Variants in ACSS2 observed in about 807,000 individuals in gnomAD.
ACSS2 encodes the protein acyl-CoA synthetase short chain family member 2.
A neutral mutation model predicts 90.6 loss-of-function variants in ACSS2; 58 were observed. The ratio of observed to expected loss-of-function variants is 0.64; its 90% CI spans 0.52 to 0.80. ACSS2 has a LOEUF of 0.80. ACSS2 is among the 30% of genes least tolerant of loss of function. The pLI, the probability that ACSS2 is intolerant of heterozygous loss-of-function variation, is 0.00. For missense variants in ACSS2, 759 were observed against 912.0 expected, an observed-to-expected ratio of 0.83 and a Z score of 2.16; for synonymous variants, 300 against 330.9, an observed-to-expected ratio of 0.91 and a Z score of 1.01.
chr20:34,920,479 C>T (rs927710899), intron 8 of ACSS2, 60 bp from the exon 9 acceptor site: 93 of 1,541,112 alleles, frequency 6.0e-5, no homozygotes, highest in Admixed American at 9.4e-5. Context: ...GCCCAGCCTC[C>T]ATTTGGTGGT....
Position 34,898,144 on chromosome 20 carries a change from G to C in ACSS2, c.375-14952G>C, listed in dbSNP as rs1009227367. Among the ~76,000 whole-genome samples the C allele has an allele frequency of 5.7e-4, 87 of 152,130 alleles. 1 individual carries two copies. Among genetic ancestry groups the C allele is most frequent in the Non-Finnish European group, 1.1e-3 (74 of 68,024 alleles). Reference sequence around the variant, plus strand: ...GTGTTACAGCTCATAAAAGCAGTGTGGACCCAAAGAGTGAGCAGCAGCAAG... The same window carrying C: ...GTGTTACAGCTCATAAAAGCAGTGTCGACCCAAAGAGTGAGCAGCAGCAAG... On this transcript the variant is annotated intron_variant, in intron 2 of 17. Transcript: ENST00000360596.
Position 34,921,354 on chromosome 20 carries a change from G to C in ACSS2, c.1302G>C (p.Val434=), listed in dbSNP as rs2147098763. The C allele has an allele frequency of 6.2e-7, 1 of 1,614,216 alleles. No homozygotes were observed. Among genetic ancestry groups the C allele is most frequent in the East Asian group, 2.2e-5 (1 of 44,886 alleles). Residue 434 remains valine (V), a synonymous_variant, in exon 11 of 18, where the codon GTG becomes GTC. Coordinates refer to ENST00000360596, the MANE Select transcript of ACSS2 (RefSeq NM_018677.4). ...GGCATAGCCGGGCATCCTTGCAGGT[G>C]TTAGGCACAGTGGGTGAACCCATCA... ...VTKHSRASLQ[V]LGTVGEPINP...
chr20:34,882,338 T>C (rs904872238), intron 1 of ACSS2, among the ~76,000 whole-genome samples: 1 of 152,156 alleles, frequency 6.6e-6, no homozygotes, highest in Non-Finnish European at 1.5e-5. Flanking sequence ...GAGTGTTGGC[T>C]GCTGGCCGGG....
chr20:34,901,006 C>T lies in ACSS2; in HGVS notation c.375-12090C>T, dbSNP rs192914977. 4.1e-3 allele frequency among the ~76,000 whole-genome samples: 621 copies of T among 152,274 alleles called. 2 individuals are homozygous for T. The highest frequency in any genetic ancestry group is 0.014 in the African/African-American group (589 of 41,556). ...CATGGAAGCCACTAGCTACATGTAACTATTGATATTTATAGTAATTAAAAT... is the reference window on the plus strand; with the variant it reads ...CATGGAAGCCACTAGCTACATGTAATTATTGATATTTATAGTAATTAAAAT... On this transcript the variant is annotated intron_variant, in intron 2 of 17. Coordinates refer to ENST00000360596, the MANE Select transcript of ACSS2 (RefSeq NM_018677.4).
chr20:34,879,062 G>A (rs2080000224), intron 1 of ACSS2, among the ~76,000 whole-genome samples: 1 of 150,884 alleles, frequency 6.6e-6, no homozygotes, highest in Admixed American at 6.6e-5. Context: ...CCGCTACCAC[G>A]CCCGGCTAAT....
Position 34,921,483 on chromosome 20 carries a change from G to T in ACSS2, c.1410+21G>T, listed in dbSNP as rs146532306. On this transcript the variant is annotated intron_variant, in intron 11 of 17. Coordinates refer to ENST00000360596, the MANE Select transcript of ACSS2 (RefSeq NM_018677.4). ...AGACAGTGAGTGAAGGGTACAGAAG[G>T]CTGGGGCCCAGGGACAATGTGGGAA... 3.0e-4 allele frequency: 484 copies of T among 1,614,212 alleles called. 4 individuals carry two copies. The African/African-American group carries it at 5.2e-3, about 17-fold the overall frequency.
intron 2 of ACSS2, among the ~76,000 whole-genome samples, chr20:34,898,225 C>T (rs952364504): frequency 4.6e-5 from 7 of 152,224 alleles, no homozygotes; most frequent in South Asian, 2.1e-4. Context: ...GGGACCTGAG[C>T]GGGTTACCAC....
chr20:34,907,281 CTA>C (rs1213995308), intron 2 of ACSS2, among the ~76,000 whole-genome samples: 1 of 151,996 alleles, frequency 6.6e-6, no homozygotes, highest in Non-Finnish European at 1.5e-5. Flanking sequence ...CCATGCCCGG[CTA>C]ATTTTTGTCT....
chr20:34,900,281 A>G (rs2080621000), intron 2 of ACSS2, among the ~76,000 whole-genome samples: 1 of 146,064 alleles, frequency 6.8e-6, no homozygotes, highest in South Asian at 2.1e-4. Context: ...AGAGATTCTC[A>G]TGTGCAGCCT....
At chr20:34,917,092 C>G (rs2081091245) in intron 7 of ACSS2, among the ~76,000 whole-genome samples, 1 of 152,194 alleles carries the variant, frequency 6.6e-6, no homozygotes, top group Admixed American at 6.5e-5. Flanking sequence ...CACCCACCCA[C>G]AAAAGAAATA....
At chr20:34,890,418 A>C (rs2295097) in intron 2 of ACSS2, among the ~76,000 whole-genome samples, 9,018 of 152,210 alleles carry the variant, frequency 0.059, 315 homozygotes, top group East Asian at 0.079. Context: ...TGGGATAGTC[A>C]TTCAGGGAGA....
intron 2 of ACSS2, among the ~76,000 whole-genome samples, chr20:34,901,480 CT>C (rs1394510394): frequency 6.6e-6 from 1 of 152,182 alleles, no homozygotes; most frequent in East Asian, 1.9e-4. Context: ...TTGATACTTA[CT>C]GCAGCTAGGG....
At chr20:34,900,685 G>A (rs574968981) in intron 2 of ACSS2, among the ~76,000 whole-genome samples, 41 of 152,320 alleles carry the variant, frequency 2.7e-4, no homozygotes, top group Non-Finnish European at 5.6e-4. Flanking sequence ...GAGTGAGGCT[G>A]CATTAGGGTC....
chr20:34,885,426 AG>A (rs1013204460), intron 2 of ACSS2, among the ~76,000 whole-genome samples: 2 of 152,280 alleles, frequency 1.3e-5, no homozygotes, highest in Middle Eastern at 3.4e-3. Flanking sequence ...TTACCTGAAC[AG>A]GCTCTGGAGA....
intron 2 of ACSS2, among the ~76,000 whole-genome samples, chr20:34,900,234 A>C (rs1476951116): frequency 2.1e-5 from 3 of 143,584 alleles, no homozygotes; most frequent in Non-Finnish European, 4.5e-5. Flanking sequence ...GCAGTGGCAC[A>C]ATTTTGGCTG....
At chr20:34,886,058 G>A (rs991761600) in intron 2 of ACSS2, among the ~76,000 whole-genome samples, 12 of 151,866 alleles carry the variant, frequency 7.9e-5, no homozygotes, top group African/African-American at 2.9e-4. Context: ...CAAATATGCC[G>A]GATATGTGGT....
chr20:34,876,704 C>T lies in ACSS2; in HGVS notation c.59C>T (p.Ala20Val), dbSNP rs1221191748. Residue 20 changes from alanine (A) to valine (V), a missense_variant, in exon 1 of 18, where the codon GCT becomes GTT. Coordinates refer to ENST00000360596, the MANE Select transcript of ACSS2 (RefSeq NM_018677.4). ...AGCGGGAGCCGGGGCCAGGAGGAAG[C>T]TGGAGCCGGAGGCCGGGCGCGGAGT... The part of the protein sequence containing the change: ...SGSGSRGQEE[A>V]GAGGRARSWS... 3 of 1,442,560 alleles carry T rather than the reference C, an allele frequency of 2.1e-6. No homozygotes were observed. The highest frequency in any genetic ancestry group is 3.0e-5 in the East Asian group (1 of 33,262). The allele number at this position is 1,442,560 out of a possible 1,614,324, so 89.4% of individuals were successfully genotyped here.
In ACSS2 at chr20:34,921,383, C is replaced by T. The variant is rs1163749337; in HGVS notation, c.1331C>T (p.Pro444Leu). The change falls in exon 11 of 18, where the codon CCT becomes CTT. Residue 444 changes from proline (P) to leucine (L), a missense_variant. Physicochemically the swap from Pro to Leu is moderately conservative, Grantham distance 98. Coordinates refer to ENST00000360596, the MANE Select transcript of ACSS2 (RefSeq NM_018677.4). Reference sequence around the variant, plus strand: ...GGCACAGTGGGTGAACCCATCAACCCTGAGGCCTGGCTATGGTACCACCGG... The same window carrying T: ...GGCACAGTGGGTGAACCCATCAACCTTGAGGCCTGGCTATGGTACCACCGG... ...VLGTVGEPIN[P>L]EAWLWYHRVV... 6.2e-7 allele frequency: 1 copy of T among 1,614,098 alleles called. No homozygotes were observed. The highest frequency in any genetic ancestry group is 1.3e-5 in the African/African-American group (1 of 74,942).
chr20:34,924,322 A>G (rs1175530035), intron 14 of ACSS2, among the ~76,000 whole-genome samples: 2 of 152,236 alleles, frequency 1.3e-5, no homozygotes, highest in Non-Finnish European at 2.9e-5. Flanking sequence ...AACATAAATA[A>G]GCTTATCTTA....
Sources: allele counts gnomAD v4.1 joint callset (sites outside exome capture counted in the v4.1 genomes callset), GRCh38; gene constraint gnomAD v4.1.1; transcripts MANE v1.5; gene names NCBI Gene and HGNC (gene_info 2026-07-23, HGNC 2026-07-21).